The following UGT1A5 variants were observed in gnomAD, a reference collection of about 807,000 sequenced individuals.
UGT1A5 encodes UDP-glucuronosyltransferase 1A5.
UGT1A5 carries 29 observed loss-of-function variants against 40.3 expected under a neutral mutation model. The observed-to-expected ratio is 0.72, with a 90% CI of 0.54 to 0.98. The LOEUF (loss-of-function observed/expected upper bound fraction) is 0.98, where lower values mean the gene tolerates loss of function less well. Ranked by LOEUF, UGT1A5 falls within the 50% of genes least tolerant of loss-of-function variation. The pLI, the probability that UGT1A5 is intolerant of heterozygous loss-of-function variation, is 0.00. For missense variants in UGT1A5, 678 were observed against 677.9 expected, an observed-to-expected ratio of 1.00 and a Z score of 0.00; for synonymous variants, 257 against 262.5, an observed-to-expected ratio of 0.98 and a Z score of 0.20.
chr2:233,752,680 A>G (rs1695029756), intron 1 of UGT1A5: 1 of 152,192 alleles, frequency 6.6e-6, no homozygotes, highest in South Asian at 2.1e-4. Context: ...TGAGCCCAGA[A>G]ATTCATGTTT....
chr2:233,760,213 G>A (rs1697347884), intron 1 of UGT1A5: 1 of 1,592,276 alleles, frequency 6.3e-7, no homozygotes, highest in Non-Finnish European at 8.5e-7. Context: ...CATTAACTTG[G>A]TGTATCGATT....
At position 233,734,763 on chromosome 2, in the gene UGT1A5, C is replaced by T. The variant is rs776391017; in HGVS notation, c.867+20905C>T. Among the ~76,000 whole-genome samples, 117 of 152,240 alleles carry T rather than the reference C, an allele frequency of 7.7e-4. 1 individual carries two copies. The highest frequency in any genetic ancestry group is 1.4e-3 in the Non-Finnish European group (94 of 68,010). On this transcript the variant is annotated intron_variant, in intron 1 of 4. Transcript: ENST00000373414. ...AACATCTTTATTTCTGCCTTCACTT[C>T]GTTATTTACCCAGTAGTCATTCAGG...
rs2076343281 is a variant in UGT1A5 at position 233,713,754 on chromosome 2, T to C, written c.763T>C (p.Trp255Arg). Residue 255 changes from tryptophan (W) to arginine (R), a missense_variant, in exon 1 of 5, where the codon TGG (tryptophan) becomes CGG (arginine). Transcript: ENST00000373414. The part of the protein sequence containing the change: ...VVDLVSHASV[W>R]LFRGDFVMDY... ...GGATCTTGTCAGCCATGCATCTGTGTGGCTGTTCCGAGGGGACTTTGTGAT... is the reference window on the plus strand; with the variant it reads ...GGATCTTGTCAGCCATGCATCTGTGCGGCTGTTCCGAGGGGACTTTGTGAT... The C allele has an allele frequency of 6.2e-7, 1 of 1,613,886 alleles. No individual in the cohort carries two copies. Among genetic ancestry groups the C allele is most frequent in the African/African-American group, 1.3e-5 (1 of 74,892 alleles).
intron 1 of UGT1A5, among the ~76,000 whole-genome samples, chr2:233,727,196 C>T (rs77179634): frequency 0.034 from 5,111 of 152,210 alleles, 99 homozygotes; most frequent in African/African-American, 0.05. Flanking sequence ...CTGGGGTGAC[C>T]TCACTGACAC....
At chr2:233,768,985 C>T (rs1366556370) in intron 4 of UGT1A5, among the ~76,000 whole-genome samples, 1 of 151,774 alleles carries the variant, frequency 6.6e-6, no homozygotes, top group East Asian at 1.9e-4. Context: ...AATTTTATTT[C>T]CCCCATTAGA....
intron 1 of UGT1A5, among the ~76,000 whole-genome samples, chr2:233,744,592 A>ATC (rs938838610): frequency 2.6e-5 from 4 of 151,912 alleles, no homozygotes; most frequent in East Asian, 1.9e-4. Context: ...CAGTTTTTGC[A>ATC]TCTCTCTTTA....
intron 1 of UGT1A5, among the ~76,000 whole-genome samples, chr2:233,757,237 G>A (rs934009312): frequency 2.7e-4 from 40 of 149,716 alleles, no homozygotes; most frequent in African/African-American, 9.6e-4. Flanking sequence ...CAGAAGTGGT[G>A]GTGAGGTGGG....
chr2:233,728,546 C>T (rs2008595), intron 1 of UGT1A5, among the ~76,000 whole-genome samples: 83,886 of 152,146 alleles, frequency 0.55, 25,265 homozygotes, highest in African/African-American at 0.81. Context: ...AGAGTCCTCT[C>T]TGATCCTTAC....
At position 233,725,198 on chromosome 2, in the gene UGT1A5, A is replaced by G. The variant is rs1414997731; in HGVS notation, c.867+11340A>G. The stretch of plus-strand genomic sequence containing the variant: ...CGTGGGGAGAGGCAGAGGCAGAGGC[A>G]GAGGCAGAGGCAGAGGCAGAGGAGG... On this transcript the variant is annotated intron_variant, in intron 1 of 4. Coordinates refer to ENST00000373414, the MANE Select transcript of UGT1A5 (RefSeq NM_019078.2). Among the ~76,000 whole-genome samples, 47 of 86,252 alleles carry G rather than the reference A, an allele frequency of 5.4e-4. 1 individual carries two copies. The highest frequency in any genetic ancestry group is 5.3e-3 in the Middle Eastern group (1 of 188). 56.6% of individuals were successfully genotyped at this position (86,252 alleles called of 152,430 possible). A position where few individuals can be genotyped will look rare whatever the true frequency, so the allele number is the denominator to read the frequency against.
At chr2:233,717,751 C>T (rs1175015057) in intron 1 of UGT1A5, 3 of 456,586 alleles carry the variant, frequency 6.6e-6, no homozygotes, top group East Asian at 1.4e-4. Context: ...GGGTCTCCCC[C>T]TAGAAAGGCA....
intron 1 of UGT1A5, chr2:233,748,062 A>G (rs531373066): frequency 3.5e-4 from 569 of 1,613,430 alleles, no homozygotes; most frequent in Admixed American, 9.3e-4. Context: ...CTGTGCCAAC[A>G]GGAAGCCACT....
chr2:233,754,715 GCCTGTC>G, intron 1 of UGT1A5: 1 of 549,762 alleles, frequency 1.8e-6, no homozygotes, highest in Non-Finnish European at 3.3e-6. Flanking sequence ...ACTTGAAGCT[GCCTGTC>G]CCATCACTAC....
At chr2:233,727,965 GGT>G (rs2077670166) in intron 1 of UGT1A5, among the ~76,000 whole-genome samples, 2 of 152,222 alleles carry the variant, frequency 1.3e-5, no homozygotes, top group South Asian at 4.1e-4. Context: ...ATCATCCTGA[GGT>G]GACCAGGACA....
chr2:233,731,513 C>G (rs972587345), intron 1 of UGT1A5, among the ~76,000 whole-genome samples: 4 of 152,148 alleles, frequency 2.6e-5, no homozygotes, highest in Admixed American at 1.3e-4. Context: ...CAGTTCCCAC[C>G]TATGAGTGAG....
At chr2:233,726,742 G>A (rs1437443163) in intron 1 of UGT1A5, among the ~76,000 whole-genome samples, 1 of 152,226 alleles carries the variant, frequency 6.6e-6, no homozygotes, top group African/African-American at 2.4e-5. Context: ...TTGTGGGGCT[G>A]TGATTCTGCC....
In UGT1A5 at chr2:233,769,763, G is replaced by A; in HGVS notation, c.1307+1324G>A. 4 of 1,411,540 alleles carry A rather than the reference G, an allele frequency of 2.8e-6. No homozygotes were observed. The South Asian group carries it at 4.7e-5, about 17-fold the overall frequency. The allele number at this position is 1,411,540 out of a possible 1,614,324, so 87.4% of individuals were successfully genotyped here. A position where few individuals can be genotyped will look rare whatever the true frequency, so the allele number is the denominator to read the frequency against. ...CCAGCCACTCTGGAGGCTAAGGCGG[G>A]AGGATTGCTTGAGCCCAGAAGTTGG... On this transcript the variant is annotated intron_variant, in intron 4 of 4. Transcript: ENST00000373414. The surrounding 1 kb of genome is among the most constrained non-coding windows in gnomAD (Gnocchi z 4.4).
intron 1 of UGT1A5, among the ~76,000 whole-genome samples, chr2:233,727,837 G>A (rs564392450): frequency 6.6e-6 from 1 of 152,316 alleles, no homozygotes; most frequent in Non-Finnish European, 1.5e-5. Context: ...TGTTATCAAT[G>A]TGGAGTAATT....
chr2:233,730,223 A>G (rs144120008), intron 1 of UGT1A5, among the ~76,000 whole-genome samples: 2 of 152,266 alleles, frequency 1.3e-5, no homozygotes, highest in Non-Finnish European at 2.9e-5. Flanking sequence ...AATGTTTGTA[A>G]AAGGATGGAC....
chr2:233,713,058 C>G lies in UGT1A5; in HGVS notation c.67C>G (p.Gln23Glu). 6.2e-7 allele frequency: 1 copy of G among 1,614,146 alleles called. No homozygotes were observed. ...ATGLLLLLSV[Q>E]PWAESGKVLV... ...AGGACTGCTGCTTCTCCTCAGTGTC[C>G]AGCCCTGGGCTGAGAGTGGGAAGGT... The change falls in exon 1 of 5, where the codon CAG becomes GAG. Residue 23 changes from glutamine (Q) to glutamate (E), a missense_variant. Coordinates refer to ENST00000373414, the MANE Select transcript of UGT1A5 (RefSeq NM_019078.2).
Sources: gnomAD v4.1 joint callset for allele counts (sites outside exome capture counted in the v4.1 genomes callset) on GRCh38, gnomAD v4.1.1 for gene constraint, Gnocchi (gnomAD v3.1) non-coding constraint, MANE v1.5 for transcripts, NCBI Gene and HGNC (gene_info 2026-07-23, HGNC 2026-07-21) for gene names.